SIGIRR: variants seen among roughly 807,000 people sequenced by gnomAD.
The protein encoded by SIGIRR is single Ig and TIR domain containing, also known as single Ig IL-1-related receptor.
In SIGIRR, 41 loss-of-function variants were observed where a neutral mutation model predicts 45.6. The observed-to-expected ratio is 0.90, with a 90% confidence interval of 0.70 to 1.17. SIGIRR has a LOEUF of 1.17. SIGIRR is among the 50% of genes most tolerant of loss of function. The probability of loss-of-function intolerance (pLI) is 0.00; values close to 1 mark genes in which losing one functional copy is unlikely to be tolerated. For missense variants in SIGIRR, 599 were observed against 539.6 expected (o/e 1.11, Z -1.09); for synonymous variants, 298 against 239.0 (o/e 1.25, Z -2.28).
chr11:413,073 G>A (rs1328718968), intron 1 of SIGIRR, among the ~76,000 whole-genome samples: 1 of 152,150 alleles, frequency 6.6e-6, no homozygotes, highest in Non-Finnish European at 1.5e-5. Context: ...GGCACTGACT[G>A]TCTACTCCCC....
chr11:415,787 C>T (rs558700630), upstream of SIGIRR, among the ~76,000 whole-genome samples: 1 of 152,228 alleles, frequency 6.6e-6, no homozygotes, highest in Non-Finnish European at 1.5e-5. The surrounding 1 kb of genome is among the most constrained non-coding windows in gnomAD (Gnocchi z 6.6). Flanking sequence ...TGTCACCAAA[C>T]TGACACTCCC....
At chr11:408,235 G>A (rs747063383) in intron 3 of SIGIRR, 29 bp from the exon 4 acceptor site, 11 of 1,610,102 alleles carry the variant, frequency 6.8e-6, no homozygotes, top group South Asian at 1.1e-5. Flanking sequence ...GGTCAGGGTC[G>A]ACTGGGGATA....
intron 3 of SIGIRR, 148 bp downstream of exon 3, chr11:408,547 A>G (rs1397056076): frequency 1.0e-6 from 1 of 960,238 alleles, no homozygotes; most frequent in Non-Finnish European, 1.6e-6. Flanking sequence ...TGTCCCTGAC[A>G]TTACTGACCC....
chr11:415,180 C>A (rs1392088659), upstream of SIGIRR, among the ~76,000 whole-genome samples: 1 of 151,738 alleles, frequency 6.6e-6, no homozygotes, highest in Non-Finnish European at 1.5e-5. The surrounding 1 kb of genome is among the most constrained non-coding windows in gnomAD (Gnocchi z 6.6). Flanking sequence ...CCCAACCCAC[C>A]CAGGCACGGC....
Position 414,963 on chromosome 11 carries a change from C to T in SIGIRR, c.-294G>A. The T allele has an allele frequency of 6.5e-6, 5 of 767,898 alleles. No homozygotes were observed. Among genetic ancestry groups the T allele is most frequent in the Non-Finnish European group, 6.3e-6 (4 of 631,746 alleles). 47.6% of individuals were successfully genotyped at this position (767,898 alleles called of 1,614,324 possible). ...ATGCATCGCCAAGCGCGGTGGGGAC[C>T]TGGCTTGTGTCTTTGTGTATTTTGA... On this transcript the variant is annotated 5_prime_UTR_variant, in exon 1 of 10. Transcript: ENST00000431843.
intron 1 of SIGIRR, 35 bp from the exon 2 acceptor site, chr11:410,062 A>G (rs1847515949): frequency 8.1e-7 from 1 of 1,237,874 alleles, no homozygotes; most frequent in African/African-American, 1.6e-5. Context: ...TTAAACAGGA[A>G]CAGGATGAGT....
At chr11:409,555 A>C in intron 2 of SIGIRR, 1 of 397,684 alleles carries the variant, frequency 2.5e-6, no homozygotes, top group East Asian at 3.8e-5. Context: ...TCAGTAGGGT[A>C]TGGTCTCCTG....
intron 1 of SIGIRR, among the ~76,000 whole-genome samples, chr11:410,689 T>C (rs1847563627): frequency 1.2e-5 from 1 of 85,630 alleles, no homozygotes; most frequent in Non-Finnish European, 2.2e-5. Context: ...TCTGACCATG[T>C]CTGGATGCAG....
chr11:410,909 G>A (rs577427836), intron 1 of SIGIRR, among the ~76,000 whole-genome samples: 2 of 55,500 alleles, frequency 3.6e-5, no homozygotes, highest in African/African-American at 1.6e-4. Flanking sequence ...GTCGGGGAGG[G>A]GGGTGCCCAG....
At chr11:415,001 C>A, upstream of SIGIRR, 1 of 431,630 alleles carries the variant, frequency 2.3e-6, no homozygotes, top group Non-Finnish European at 3.1e-6. The surrounding 1 kb of genome is among the most constrained non-coding windows in gnomAD (Gnocchi z 6.6). Context: ...AGAACTTTCC[C>A]TGTAGCTTCC....
rs1194212178 is a variant in SIGIRR, at chr11:407,824, C to G, written c.474G>C (p.Glu158Asp). 1.6e-5 allele frequency: 25 copies of G among 1,612,448 alleles called. No individual in the cohort carries two copies. The highest frequency in any genetic ancestry group is 5.0e-5 in the Admixed American group (3 of 59,996). Residue 158 changes from glutamate (E) to aspartate (D), a missense_variant, in exon 5 of 10, where the codon GAG becomes GAC. Glu to Asp is a conservative substitution (Grantham distance 45). Transcript: ENST00000431843. ...CACGCGGGCCCCACGCACCGTTTAT[C>G]TCCACCTCCCCATACGCGTCCTGGT... is the stretch of plus-strand genomic sequence containing the variant. Reference protein sequence around the residue: ...LWYQDAYGEVEINDGKLYDAY... With the variant: ...LWYQDAYGEVDINDGKLYDAY...
Position 410,019 on chromosome 11 carries a change from G to T in SIGIRR, c.-145C>A. The T allele has an allele frequency of 1.6e-6, 2 of 1,240,830 alleles. No individual in the cohort carries two copies. Among genetic ancestry groups the T allele is most frequent in the Non-Finnish European group, 2.0e-6 (2 of 992,726 alleles). The allele number at this position is 1,240,830 out of a possible 1,614,324, so 76.9% of individuals were successfully genotyped here. ...GTCAGCTGGACAGGGCACCTGGACA[G>T]GTCAGAGGCTGCCGCCATCCCCAGG... On this transcript the variant is annotated 5_prime_UTR_variant, in exon 2 of 10. In the 5' UTR this introduces an upstream ATG that the reference lacks. Transcript: ENST00000431843.
In SIGIRR at chr11:406,556, G is replaced by C; in HGVS notation, c.880-18C>G. On this transcript the variant is annotated intron_variant, in intron 8 of 9. Coordinates refer to ENST00000431843, the MANE Select transcript of SIGIRR (RefSeq NM_001135054.2). ...GAAGGAGTCTGGGGGCCAGGTCGGGGCGGTTTGCAGGTGTGAACACCTCGG... is the reference window on the plus strand; with the variant it reads ...GAAGGAGTCTGGGGGCCAGGTCGGGCCGGTTTGCAGGTGTGAACACCTCGG... 1 of 1,598,952 alleles carries C rather than the reference G, an allele frequency of 6.3e-7. No individual in the cohort carries two copies.
chr11:406,562 T>C, intron 8 of SIGIRR, 24 bp from the exon 9 acceptor site: 1 of 1,595,614 alleles, frequency 6.3e-7, no homozygotes, highest in Non-Finnish European at 8.5e-7. Context: ...CGGGGCGGTT[T>C]GCAGGTGTGA....
chr11:414,437 C>T (rs1388931683), intron 1 of SIGIRR, among the ~76,000 whole-genome samples: 2 of 151,532 alleles, frequency 1.3e-5, no homozygotes, highest in African/African-American at 2.4e-5. Context: ...CACATACACA[C>T]AGCCCTCTGG....
At chr11:408,288 G>C in intron 3 of SIGIRR, 82 bp from the exon 4 acceptor site, 1 of 1,539,092 alleles carries the variant, frequency 6.5e-7, no homozygotes, top group Middle Eastern at 1.9e-4. Context: ...GTTCACCCAG[G>C]GAGGCTGCAG....
At position 408,206 on chromosome 11, in the gene SIGIRR, C is replaced by T. The variant is rs1162251896; in HGVS notation, c.207G>A (p.Trp69Ter). The change falls in exon 4 of 10, where the codon TGG becomes TGA. Residue 69 changes from tryptophan (W) to a stop codon, truncating the protein, a stop_gained and splice_region_variant. Transcript: ENST00000431843. LOFTEE classifies it high-confidence loss of function. ...GCACCTCTGACAGGTTGGCCTTGAC[C>T]CTGGGGATACCAAGCCAGGGTCAGG... ...GGHYSLHEYS[W>*]VKANLSEVLV... 4 of 1,612,356 alleles carry T rather than the reference C, an allele frequency of 2.5e-6. No individual in the cohort carries two copies. The highest frequency in any genetic ancestry group is 3.4e-6 in the Non-Finnish European group (4 of 1,179,868).
chr11:408,641 T>C, intron 3 of SIGIRR, 54 bp downstream of exon 3: 1 of 1,600,692 alleles, frequency 6.2e-7, no homozygotes, highest in Non-Finnish European at 8.5e-7. Context: ...GGGAGACCAC[T>C]GCCCTTGGCA....
intron 1 of SIGIRR, among the ~76,000 whole-genome samples, chr11:413,506 C>T (rs895848559): frequency 9.2e-5 from 14 of 151,964 alleles, no homozygotes; most frequent in South Asian, 4.1e-4. Context: ...GCAGTGCTTC[C>T]GTGACCGCCC....
Sources: gnomAD v4.1 joint callset for allele counts (sites outside exome capture counted in the v4.1 genomes callset) on GRCh38, gnomAD v4.1.1 for gene constraint, Gnocchi (gnomAD v3.1) non-coding constraint, MANE v1.5 for transcripts, NCBI Gene and HGNC (gene_info 2026-07-23, HGNC 2026-07-21) for gene names.